The following RIF1 variants were observed in gnomAD, a reference collection of about 807,000 sequenced individuals.
RIF1 encodes telomere-associated protein RIF1.
A neutral mutation model predicts 247.1 loss-of-function variants in RIF1; 45 were observed. The ratio of observed to expected loss-of-function variants is 0.18; its 90% confidence interval spans 0.14 to 0.23. RIF1 has a LOEUF of 0.23. Ranked by LOEUF, RIF1 falls within the 10% of genes least tolerant of loss-of-function variation. The pLI is 1.00. For synonymous variants in RIF1, 1,087 were observed against 978.8 expected (o/e 1.11, Z -2.06); for missense variants, 2,967 against 2,862.5 (o/e 1.04, Z -0.83).
At chr2:151,520,803 G>GC in the RIF1 span, among the ~76,000 whole-genome samples, 1 of 152,190 alleles carries the variant, frequency 6.6e-6, no homozygotes. Flanking sequence ...GGTGGAGGCT[G>GC]CAGTGAGTCA....
chr2:151,416,931 GA>G lies in RIF1; in HGVS notation c.503+32del, dbSNP rs532409084. 9.2e-6 allele frequency: 14 copies of G among 1,521,374 alleles called. No homozygotes were observed. In the South Asian group the frequency reaches 1.6e-4, roughly 18 times the overall value. 94.2% of individuals were successfully genotyped at this position (1,521,374 alleles called of 1,614,324 possible). ...GCATTTGGATGTTGTGCAAATTGAA[GA>G]ATAGTTTTCATAAATTTAGCTGAAG... On this transcript the variant is annotated intron_variant, in intron 6 of 35. Transcript: ENST00000444746.
At chr2:151,439,439 C>T (rs1382028657) in intron 14 of RIF1, among the ~76,000 whole-genome samples, 11 of 151,978 alleles carry the variant, frequency 7.2e-5, no homozygotes, top group African/African-American at 2.2e-4. Context: ...CCGAGGCGGG[C>T]GGATCACCTG....
chr2:151,491,184 C>A (rs1248030453), intron 9 of RIF1: 1 of 158,320 alleles, frequency 6.3e-6, no homozygotes, highest in Admixed American at 6.2e-5. Flanking sequence ...GTGTACAACA[C>A]CACTCGCGGC....
the RIF1 span, chr2:151,519,128 G>A: frequency 9.2e-7 from 1 of 1,088,696 alleles, no homozygotes; most frequent in Non-Finnish European, 1.4e-6. Flanking sequence ...CAGCACTAAT[G>A]GAAATCAAAG....
intron 7 of RIF1, 118 bp from the exon 8 acceptor site, chr2:151,422,831 AT>A (rs1688410337): frequency 4.9e-6 from 3 of 609,836 alleles, no homozygotes; most frequent in Non-Finnish European, 8.6e-6. Flanking sequence ...GTGGGGTAAT[AT>A]TTTTATTATG....
At chr2:151,526,493 C>T in the RIF1 span, among the ~76,000 whole-genome samples, 1 of 152,172 alleles carries the variant, frequency 6.6e-6, no homozygotes, top group Non-Finnish European at 1.5e-5. Flanking sequence ...TATAGTCACA[C>T]TTACGTTCAC....
At chr2:151,512,019 CTTTTTTTTTTTT>C (rs71403173), downstream of RIF1, among the ~76,000 whole-genome samples, 7 of 93,586 alleles carry the variant, frequency 7.5e-5, no homozygotes, top group East Asian at 1.3e-3. Context: ...CCCTCTCACT[CTTTTTTTTTTTT>C]TTTTTTTTTT....
chr2:151,432,970 T>A (rs184380043), intron 9 of RIF1, 107 bp from the exon 10 acceptor site: 22 of 872,378 alleles, frequency 2.5e-5, no homozygotes, highest in Middle Eastern at 3.7e-4. Flanking sequence ...TTTAAAAAAA[T>A]TTTAAAATAC....
chr2:151,524,460 G>A, the RIF1 span: 2 of 1,609,116 alleles, frequency 1.2e-6, no homozygotes, highest in Non-Finnish European at 1.7e-6. Flanking sequence ...ATGGTTGCCT[G>A]GCATGCCTTG....
At chr2:151,508,131 T>A (rs2070792593), downstream of RIF1, 1 of 1,529,254 alleles carries the variant, frequency 6.5e-7, no homozygotes, top group Non-Finnish European at 9.0e-7. Context: ...TTCCAAGAAA[T>A]AAGGAGGGTA....
intron 9 of RIF1, among the ~76,000 whole-genome samples, chr2:151,429,918 G>A (rs543339058): frequency 2.0e-5 from 3 of 152,016 alleles, no homozygotes; most frequent in Admixed American, 6.5e-5. Flanking sequence ...GCTAAGTAAT[G>A]TTGATTTTTA....
chr2:151,520,361 A>C, the RIF1 span, among the ~76,000 whole-genome samples: 1 of 152,222 alleles, frequency 6.6e-6, no homozygotes, highest in South Asian at 2.1e-4. Flanking sequence ...TCAGACTAGA[A>C]GTAGGAAAAA....
chr2:151,505,558 C>T lies in RIF1; in HGVS notation c.*862-652C>T, dbSNP rs533393621. The T allele has an allele frequency of 1.1e-5, 18 of 1,613,266 alleles. 1 individual carries two copies. The South Asian group carries it at 1.8e-4, about 16-fold the overall frequency. ...ATTGGAGTTCCTTGTCCTATTGCTT[C>T]CTTATACTTCACCTGCAGATTTAAA... On this transcript the variant is annotated intron_variant and NMD_transcript_variant, in intron 12 of 13. Transcript: ENST00000454583.
chr2:151,507,120 A>C (rs1559349225), intron 13 of RIF1: 1 of 708,784 alleles, frequency 1.4e-6, no homozygotes. Flanking sequence ...TTTAAAAAAA[A>C]GTCTATGCAC....
intron 34 of RIF1, among the ~76,000 whole-genome samples, chr2:151,470,275 A>G (rs943410825): frequency 2.0e-5 from 3 of 152,124 alleles, no homozygotes; most frequent in Non-Finnish European, 4.4e-5. Flanking sequence ...GATTCTGATG[A>G]AAGCTAAGAT....
At chr2:151,466,271 A>AG (rs1281961821) in intron 30 of RIF1, 151 bp downstream of exon 30, 9 of 586,810 alleles carry the variant, frequency 1.5e-5, no homozygotes, top group Admixed American at 9.1e-5. Context: ...AAAGGTAGGT[A>AG]GAAGAAAAGG....
chr2:151,531,155 T>C, the RIF1 span: 4 of 1,188,240 alleles, frequency 3.4e-6, no homozygotes, highest in African/African-American at 4.5e-5. Context: ...ATGTATAATA[T>C]CAAAATATAA....
At position 151,463,424 on chromosome 2, in the gene RIF1, T is replaced by C; in HGVS notation, c.3904T>C (p.Ser1302Pro). 6.2e-7 allele frequency: 1 copy of C among 1,613,894 alleles called. No individual in the cohort carries two copies. The highest frequency in any genetic ancestry group is 1.1e-5 in the South Asian group (1 of 91,042). Residue 1302 changes from serine (S) to proline (P), a missense_variant, in exon 30 of 36, where the codon TCT becomes CCT. By Grantham distance (74) the Ser-to-Pro change is moderately conservative (BLOSUM62 -1). Coordinates refer to ENST00000444746, the MANE Select transcript of RIF1 (RefSeq NM_018151.5). ...GKAEQTGNKR[S>P]KPLMRSEPEK... ...AGCTGAACAAACAGGGAATAAAAGG[T>C]CTAAGCCCTTAATGAGATCTGAGCC...
At chr2:151,449,339 A>G (rs1027741673) in intron 20 of RIF1, among the ~76,000 whole-genome samples, 2 of 152,222 alleles carry the variant, frequency 1.3e-5, no homozygotes, top group African/African-American at 2.4e-5. Context: ...TATTATGGCA[A>G]TAGTGACCTC....
Sources: gnomAD v4.1 joint callset for allele counts (sites outside exome capture counted in the v4.1 genomes callset) on GRCh38, gnomAD v4.1.1 for gene constraint, MANE v1.5 for transcripts, NCBI Gene and HGNC (gene_info 2026-07-23, HGNC 2026-07-21) for gene names.